The following CLVS1 variants were observed in gnomAD, a reference collection of about 807,000 sequenced individuals.
CLVS1 encodes the protein clavesin 1, also known as clavesin-1.
CLVS1 carries 10 observed loss-of-function variants against 33.1 expected under a neutral mutation model. The observed-to-expected ratio is 0.30, with a 90% CI of 0.19 to 0.51. The LOEUF (loss-of-function observed/expected upper bound fraction) is 0.51, where lower values mean the gene tolerates loss of function less well. Ranked by LOEUF, CLVS1 falls within the 20% of genes least tolerant of loss-of-function variation. The pLI is 0.97. For missense variants in CLVS1, 343 were observed against 433.4 expected (o/e 0.79, Z 1.85); for synonymous variants, 163 against 166.1 (o/e 0.98, Z 0.14).
chr8:61,073,149 C>T lies in CLVS1; in HGVS notation c.-243+15919C>T, dbSNP rs1366011677. Among the ~76,000 whole-genome samples, 4 of 152,156 alleles carry T rather than the reference C, an allele frequency of 2.6e-5. No individual in the cohort carries two copies. In the East Asian group the frequency reaches 7.7e-4, roughly 29 times the overall value. On this transcript the variant is annotated intron_variant, in intron 1 of 2. Transcript: ENST00000522621. Reference sequence around the variant, plus strand: ...TTCTAGTTCATTTGCTAATTAAATGCTTGTCAAGTTTAGGAAGAATCAGAT... The same window carrying T: ...TTCTAGTTCATTTGCTAATTAAATGTTTGTCAAGTTTAGGAAGAATCAGAT...
intron 2 of CLVS1, among the ~76,000 whole-genome samples, chr8:61,143,677 T>C (rs1490401423): frequency 6.6e-6 from 1 of 151,480 alleles, no homozygotes; most frequent in Non-Finnish European, 1.5e-5. Context: ...ATTTTAAAAA[T>C]GTTATTTTTA....
At chr8:61,279,281 G>A (rs17187457) in intron 2 of CLVS1, among the ~76,000 whole-genome samples, 9,131 of 152,182 alleles carry the variant, frequency 0.06, 446 homozygotes, top group African/African-American at 0.13. Flanking sequence ...TGAGGCGAAG[G>A]CCATTCTTGG....
chr8:61,033,153 A>AAGAT, the CLVS1 span, among the ~76,000 whole-genome samples: 1 of 130,880 alleles, frequency 7.6e-6, no homozygotes, highest in Non-Finnish European at 1.7e-5. Context: ...GAAAGAAAGA[A>AAGAT]AGAAAGAAAA....
At chr8:61,390,764 T>A (rs1022692814) in intron 3 of CLVS1, among the ~76,000 whole-genome samples, 2 of 152,256 alleles carry the variant, frequency 1.3e-5, no homozygotes. Flanking sequence ...TATTACAAAT[T>A]TGTAAGATAT....
rs1810366020 is a variant in CLVS1 at position 61,299,848 on chromosome 8, T to C, written c.21T>C (p.Leu7=). The change falls in exon 2 of 6, where the codon CTT becomes CTC. Residue 7 remains leucine, a synonymous_variant. Coordinates refer to ENST00000325897, the MANE Select transcript of CLVS1 (RefSeq NM_173519.3). ...GGTGAATGGGACCAGTCTCTCTTCTTCCAAAATATCAGAAGTTAAACACTT... is the reference window on the plus strand; with the variant it reads ...GGTGAATGGGACCAGTCTCTCTTCTCCCAAAATATCAGAAGTTAAACACTT... MGPVSL[L]PKYQKLNTWN... The C allele has an allele frequency of 1.2e-6, 2 of 1,611,354 alleles. No homozygotes were observed. The highest frequency in any genetic ancestry group is 1.3e-5 in the African/African-American group (1 of 74,848).
At chr8:61,370,788 G>C (rs1316339156) in intron 2 of CLVS1, 1 of 152,124 alleles carries the variant, frequency 6.6e-6, no homozygotes, top group Non-Finnish European at 1.5e-5. Flanking sequence ...ACTTCACTTA[G>C]AATAATGGTC....
At chr8:61,479,977 G>A (rs560468919) in intron 5 of CLVS1, among the ~76,000 whole-genome samples, 12 of 152,336 alleles carry the variant, frequency 7.9e-5, no homozygotes, top group African/African-American at 1.9e-4. Context: ...GCCGTGTGAC[G>A]TGTCAGTCCT....
chr8:61,371,355 C>T (rs1458771884), intron 2 of CLVS1, among the ~76,000 whole-genome samples: 2 of 152,036 alleles, frequency 1.3e-5, no homozygotes, highest in Non-Finnish European at 2.9e-5. Context: ...CTTTTTCTTG[C>T]TTATTTGTTG....
the CLVS1 span, among the ~76,000 whole-genome samples, chr8:60,988,694 A>AT: frequency 1.6e-4 from 25 of 151,978 alleles, 1 homozygote; most frequent in South Asian, 1.7e-3. Flanking sequence ...TTAAGAAGGA[A>AT]TTTTTTTTTG....
chr8:61,151,352 C>T (rs1002814052), intron 2 of CLVS1, among the ~76,000 whole-genome samples: 33 of 152,160 alleles, frequency 2.2e-4, no homozygotes, highest in Admixed American at 1.2e-3. Flanking sequence ...TTCTTAATTA[C>T]GTTATCTTGT....
At chr8:61,431,400 TC>T (rs1426136165) in intron 3 of CLVS1, among the ~76,000 whole-genome samples, 2 of 152,338 alleles carry the variant, frequency 1.3e-5, no homozygotes, top group Admixed American at 1.3e-4. Context: ...AACCTGGAAT[TC>T]TTTTTTGTAT....
rs1166606940 is a variant in CLVS1 at position 61,149,551 on chromosome 8, C to CAAAAAAAAAAAAAAAAAAAA, written c.-152+17708_-152+17709insAAAAAAAAAAAAAAAAAAAA. On this transcript the variant is annotated intron_variant, in intron 2 of 2. Coordinates refer to the CLVS1 transcript ENST00000522621. ...TAGGCGACAGAACGAGACTCTGTCTCAAAAAAAAAAAAAAAAACAAAAAAC... is the reference window on the plus strand; with the variant it reads ...TAGGCGACAGAACGAGACTCTGTCTCAAAAAAAAAAAAAAAAAAAAAAAAAAAAAAAAAAAAACAAAAAAC... Among the ~76,000 whole-genome samples, 71 of 51,884 alleles carry CAAAAAAAAAAAAAAAAAAAA rather than the reference C, an allele frequency of 1.4e-3. 1 individual carries two copies. The highest frequency in any genetic ancestry group is 9.3e-3 in the Middle Eastern group (1 of 108). 34.0% of individuals were successfully genotyped at this position (51,884 alleles called of 152,430 possible). A position where few individuals can be genotyped will look rare whatever the true frequency, so the allele number is the denominator to read the frequency against.
intron 5 of CLVS1, among the ~76,000 whole-genome samples, chr8:61,497,985 G>C (rs1804326992): frequency 6.6e-6 from 1 of 152,114 alleles, no homozygotes; most frequent in Non-Finnish European, 1.5e-5. Flanking sequence ...GGTGGGTTTT[G>C]TCTGGCTTTT....
chr8:61,386,318 C>G (rs946260675), intron 3 of CLVS1, among the ~76,000 whole-genome samples: 1 of 152,196 alleles, frequency 6.6e-6, no homozygotes, highest in Admixed American at 6.5e-5. Flanking sequence ...TGATAAACCC[C>G]GGACTTCATA....
intron 3 of CLVS1, among the ~76,000 whole-genome samples, chr8:61,420,994 A>G (rs566771860): frequency 2.0e-5 from 3 of 152,194 alleles, no homozygotes; most frequent in Non-Finnish European, 4.4e-5. Flanking sequence ...AGAAACAAAC[A>G]AAAATCAAAA....
intron 3 of CLVS1, among the ~76,000 whole-genome samples, chr8:61,438,626 C>A (rs190027276): frequency 6.6e-6 from 1 of 152,170 alleles, no homozygotes; most frequent in African/African-American, 2.4e-5. Flanking sequence ...AATGGTTGAA[C>A]TAATTTACAT....
chr8:60,996,604 G>T, the CLVS1 span, among the ~76,000 whole-genome samples: 1 of 152,182 alleles, frequency 6.6e-6, no homozygotes, highest in Non-Finnish European at 1.5e-5. Context: ...CTGCTATTGG[G>T]CCTCTATTCT....
intron 2 of CLVS1, among the ~76,000 whole-genome samples, chr8:61,342,663 C>A (rs1812068044): frequency 6.6e-6 from 1 of 152,130 alleles, no homozygotes; most frequent in Non-Finnish European, 1.5e-5. Context: ...CTTTTCAAAC[C>A]TCAATTATAA....
intron 1 of CLVS1, among the ~76,000 whole-genome samples, chr8:61,065,421 G>A (rs561909032): frequency 1.6e-4 from 24 of 152,170 alleles, no homozygotes; most frequent in Middle Eastern, 3.4e-3. Context: ...CGACTGTACT[G>A]CTCTGGATGT....
Sources: allele counts gnomAD v4.1 joint callset (sites outside exome capture counted in the v4.1 genomes callset), GRCh38; gene constraint gnomAD v4.1.1; transcripts MANE v1.5; gene names NCBI Gene and HGNC (gene_info 2026-07-23, HGNC 2026-07-21).